The following PISD variants were observed in gnomAD, a reference collection of about 807,000 sequenced individuals.
PISD encodes the protein phosphatidylserine decarboxylase proenzyme, mitochondrial.
A neutral mutation model predicts 43.5 loss-of-function variants in PISD; 31 were observed. The observed-to-expected ratio is 0.71, with a 90% CI of 0.54 to 0.96. The LOEUF is 0.96. Among genes scored for constraint, PISD ranks in the 40% least tolerant of loss-of-function variants. PISD has a pLI of 0.00. For missense variants in PISD, 523 were observed against 548.4 expected (o/e 0.95, Z 0.46); for synonymous variants, 259 against 228.7 (o/e 1.13, Z -1.20).
chr22:31,632,169 C>T, intron 3 of PISD: 1 of 921,470 alleles, frequency 1.1e-6, no homozygotes, highest in Non-Finnish European at 1.3e-6. Context: ...GCCCCATACA[C>T]CTGTCGTCCT....
intron 1 of PISD, among the ~76,000 whole-genome samples, chr22:31,651,207 A>G (rs1329437739): frequency 6.6e-6 from 1 of 152,040 alleles, no homozygotes; most frequent in Non-Finnish European, 1.5e-5. Context: ...CATGTGATCC[A>G]CCAGCCTCAG....
chr22:31,645,512 C>T (rs1308036508), intron 3 of PISD, among the ~76,000 whole-genome samples: 1 of 150,268 alleles, frequency 6.7e-6, no homozygotes, highest in Non-Finnish European at 1.5e-5. Flanking sequence ...CGAGAGCAGC[C>T]TGGCCAACAT....
At chr22:31,621,301 G>C (rs1022835485) in intron 5 of PISD, 33 bp downstream of exon 5, 5 of 1,612,946 alleles carry the variant, frequency 3.1e-6, no homozygotes, top group African/African-American at 1.3e-5. Context: ...CACAGCAGCA[G>C]GGCTGCCTAG....
At position 31,619,298 on chromosome 22, in the gene PISD, G is replaced by C. The variant is rs146860075; in HGVS notation, c.*314C>G. On this transcript the variant is annotated 3_prime_UTR_variant, in exon 8 of 8. Transcript: ENST00000439502. ...GACAACCGAGACCAACTGAAGGTTC[G>C]GTCAGGAATGCAGGCTCTTCCGTCT... 7 of 361,262 alleles carry C rather than the reference G, an allele frequency of 1.9e-5. No homozygotes were observed. Among genetic ancestry groups the C allele is most frequent in the Admixed American group, 8.0e-5 (2 of 25,036 alleles). The allele number at this position is 361,262 out of a possible 1,614,324, so 22.4% of individuals were successfully genotyped here. A position where few individuals can be genotyped will look rare whatever the true frequency, so the allele number is the denominator to read the frequency against.
At chr22:31,657,005 A>G (rs952459603) in intron 1 of PISD, among the ~76,000 whole-genome samples, 1 of 152,204 alleles carries the variant, frequency 6.6e-6, no homozygotes, top group African/African-American at 2.4e-5. Flanking sequence ...GTAGGCATAT[A>G]TATCTATGTG....
chr22:31,622,580 G>GTGTTCAAC (rs146188283), intron 3 of PISD, among the ~76,000 whole-genome samples: 1,861 of 152,328 alleles, frequency 0.012, 39 homozygotes, highest in African/African-American at 0.043. Flanking sequence ...GGCAGGACTT[G>GTGTTCAAC]TGTTCAACGT....
chr22:31,659,924 C>G (rs776802885), intron 1 of PISD, among the ~76,000 whole-genome samples: 6 of 152,068 alleles, frequency 3.9e-5, no homozygotes, highest in Non-Finnish European at 1.5e-5. Context: ...ACAGCAGGCT[C>G]AGAGAGACTC....
At chr22:31,643,083 C>T (rs910268843) in intron 3 of PISD, among the ~76,000 whole-genome samples, 1 of 113,278 alleles carries the variant, frequency 8.8e-6, no homozygotes, top group Admixed American at 1.0e-4. Context: ...GCCTGGGCAA[C>T]AAGAGCAAAA....
chr22:31,629,145 T>C, intron 3 of PISD: 1 of 985,260 alleles, frequency 1.0e-6, no homozygotes. Flanking sequence ...CCCAGTGGAA[T>C]GGAACATTCC....
In PISD at chr22:31,622,666, C is replaced by A. The variant is rs140635844; in HGVS notation, c.322-781G>T. On this transcript the variant is annotated intron_variant, in intron 3 of 7. Transcript: ENST00000439502. ...CCAGGAGGCAAAGAGAAGTCATCCC[C>A]TCAGGCCCCTCTGTTCTCTCTTCCT... Among the ~76,000 whole-genome samples, 10 of 152,352 alleles carry A rather than the reference C, an allele frequency of 6.6e-5. No homozygotes were observed. In the East Asian group the frequency reaches 1.9e-3, roughly 29 times the overall value.
At chr22:31,621,252 G>C (rs2072550640) in intron 5 of PISD, 82 bp downstream of exon 5, 4 of 1,610,116 alleles carry the variant, frequency 2.5e-6, no homozygotes, top group Non-Finnish European at 3.4e-6. Flanking sequence ...GCCAGCCTCA[G>C]TTCCTTCCCC....
intron 3 of PISD, chr22:31,628,277 C>G: frequency 2.6e-6 from 2 of 755,348 alleles, no homozygotes; most frequent in Non-Finnish European, 3.2e-6. Flanking sequence ...CAAGCCACTT[C>G]CTTGGCCAGC....
In PISD at chr22:31,630,842, G is replaced by C; in HGVS notation, c.322-8957C>G. On this transcript the variant is annotated intron_variant, in intron 3 of 7. Coordinates refer to ENST00000439502, the MANE Select transcript of PISD (RefSeq NM_001326411.2). This position sits in a 1 kb window ranked among gnomAD's most constrained non-coding sequence, Gnocchi z 4.4. ...CAGCTTCCGGGCTCCGACTCCCTAG[G>C]GGCGCTCCCGGAGCCGGGAAGCCTT... is the stretch of plus-strand genomic sequence containing the variant. 1 of 985,486 alleles carries C rather than the reference G, an allele frequency of 1.0e-6. No individual in the cohort carries two copies. Among genetic ancestry groups the C allele is most frequent in the African/African-American group, 1.7e-5 (1 of 57,368 alleles). The allele number at this position is 985,486 out of a possible 1,614,324, so 61.0% of individuals were successfully genotyped here.
At chr22:31,662,381 GTAGGGGAAC>G (rs2074348181), upstream of PISD, 2 of 648,102 alleles carry the variant, frequency 3.1e-6, no homozygotes, top group Admixed American at 5.1e-5. Context: ...ACCTGCGGAG[GTAGGGGAAC>G]TAGTGGAGCT....
At chr22:31,655,573 C>A (rs537043719) in intron 1 of PISD, among the ~76,000 whole-genome samples, 3 of 152,358 alleles carry the variant, frequency 2.0e-5, no homozygotes, top group African/African-American at 4.8e-5. Context: ...CCCACCTCAG[C>A]CTCCCAAAGT....
At chr22:31,628,548 G>A (rs1269777287) in intron 3 of PISD, among the ~76,000 whole-genome samples, 1 of 152,204 alleles carries the variant, frequency 6.6e-6, no homozygotes, top group Non-Finnish European at 1.5e-5. Flanking sequence ...GTCACTACAT[G>A]GCCTAAGGGC....
intron 3 of PISD, among the ~76,000 whole-genome samples, chr22:31,631,168 G>C (rs1016708359): frequency 6.6e-6 from 1 of 152,162 alleles, no homozygotes; most frequent in Admixed American, 6.5e-5. Context: ...TGGTCTGTGA[G>C]CCGCCTGTCT....
intron 3 of PISD, among the ~76,000 whole-genome samples, chr22:31,637,204 T>TATATATATATATATAC (rs1267117734): frequency 1.0e-5 from 1 of 95,836 alleles, no homozygotes; most frequent in African/African-American, 4.3e-5. Context: ...TATATATATA[T>TATATATATATATATAC]ATAGAAAAAT....
chr22:31,646,293 G>C (rs1001467845), intron 3 of PISD, among the ~76,000 whole-genome samples: 1 of 152,132 alleles, frequency 6.6e-6, no homozygotes, highest in Non-Finnish European at 1.5e-5. Context: ...ATCAAGAAGA[G>C]TATCTAACTT....
Sources: allele counts gnomAD v4.1 joint callset (sites outside exome capture counted in the v4.1 genomes callset), GRCh38; gene constraint gnomAD v4.1.1; non-coding constraint Gnocchi (gnomAD v3.1); transcripts MANE v1.5; gene names NCBI Gene and HGNC (gene_info 2026-07-23, HGNC 2026-07-21).